CLASP1: variants seen among roughly 807,000 people sequenced by gnomAD.
CLASP1 encodes the protein CLIP-associating protein 1.
In CLASP1, 38 loss-of-function variants were observed where a neutral mutation model predicts 192.3. The observed-to-expected ratio is 0.20, with a 90% CI of 0.15 to 0.26. The LOEUF (loss-of-function observed/expected upper bound fraction) is 0.26, where lower values mean the gene tolerates loss of function less well. Among genes scored for constraint, CLASP1 ranks in the 10% least tolerant of loss-of-function variants. The pLI, the probability that CLASP1 is intolerant of heterozygous loss-of-function variation, is 1.00. For synonymous variants in CLASP1, 691 were observed against 712.8 expected (o/e 0.97, Z 0.49); for missense variants, 1,433 against 1,932.5 (o/e 0.74, Z 4.85).
intron 6 of CLASP1, among the ~76,000 whole-genome samples, chr2:121,519,142 G>A (rs966814865): frequency 1.3e-5 from 2 of 152,172 alleles, no homozygotes; most frequent in African/African-American, 4.8e-5. Flanking sequence ...GGACCTACTT[G>A]GCCATTTAGG....
rs1045182897 is a variant in CLASP1, at chr2:121,531,069, A to T, written c.196-744T>A. On this transcript the variant is annotated intron_variant, in intron 2 of 39. Transcript: ENST00000263710. ...AGCAGTAATTCGTAAATAAACTAGT[A>T]CTTTGTGGTTAAACCAGTAGAGGGT... 1.3e-5 allele frequency: 9 copies of T among 691,328 alleles called. No homozygotes were observed. In the African/African-American group the frequency reaches 1.4e-4, roughly 11 times the overall value. 42.8% of individuals were successfully genotyped at this position (691,328 alleles called of 1,614,324 possible).
At chr2:121,591,253 A>G (rs1488268178) in intron 2 of CLASP1, among the ~76,000 whole-genome samples, 1 of 152,204 alleles carries the variant, frequency 6.6e-6, no homozygotes, top group East Asian at 1.9e-4. Context: ...ATCTTTTTTT[A>G]CAAGGCTATC....
rs36101231 is a variant in CLASP1 at position 121,410,956 on chromosome 2, A to G, written c.2334T>C (p.Leu778=). Residue 778 remains leucine (L), a synonymous_variant, in exon 24 of 40, where the codon CTT becomes CTC. Coordinates refer to ENST00000263710, the Ensembl canonical transcript of CLASP1. ...AACCAGGTATTCTTCCTGGCTGGCC[A>G]AGCCCAAACCGATCTATTTAAAAAA... 3.7e-5 allele frequency: 60 copies of G among 1,606,968 alleles called. No homozygotes were observed. The Admixed American group carries it at 5.0e-4, about 13-fold the overall frequency.
At chr2:121,633,807 C>T (rs979224545) in intron 1 of CLASP1, among the ~76,000 whole-genome samples, 1 of 151,980 alleles carries the variant, frequency 6.6e-6, no homozygotes, top group Admixed American at 6.6e-5. Context: ...GAGATCGAGA[C>T]CATCCTGGCT....
chr2:121,624,647 T>C (rs1445838968), intron 1 of CLASP1, among the ~76,000 whole-genome samples: 1 of 152,150 alleles, frequency 6.6e-6, no homozygotes, highest in African/African-American at 2.4e-5. Flanking sequence ...GAACTCCTGA[T>C]CTCAGGTGAT....
intron 6 of CLASP1, among the ~76,000 whole-genome samples, chr2:121,516,749 C>T (rs183368827): frequency 6.6e-6 from 1 of 152,360 alleles, no homozygotes; most frequent in Admixed American, 6.5e-5. Flanking sequence ...TCATCATAAG[C>T]CGGGCGTGGT....
intron 2 of CLASP1, among the ~76,000 whole-genome samples, chr2:121,544,488 T>C (rs932667752): frequency 2.6e-5 from 4 of 151,776 alleles, no homozygotes; most frequent in African/African-American, 9.7e-5. Flanking sequence ...AATTGAAATC[T>C]GGAAAAACAT....
At chr2:121,539,475 C>T (rs986347639) in intron 2 of CLASP1, among the ~76,000 whole-genome samples, 1 of 152,190 alleles carries the variant, frequency 6.6e-6, no homozygotes, top group Admixed American at 6.5e-5. Flanking sequence ...TCCTATCTCA[C>T]ACCCTGCACA....
chr2:121,380,611 G>A (rs2071414532), intron 33 of CLASP1, among the ~76,000 whole-genome samples: 1 of 152,170 alleles, frequency 6.6e-6, no homozygotes, highest in African/African-American at 2.4e-5. Flanking sequence ...AGAGAAGCCT[G>A]CCTTCTTCGT....
At chr2:121,339,147 ACAC>A (rs1248245676) in exon 40 of CLASP1, 2 of 153,528 alleles carry the variant, frequency 1.3e-5, no homozygotes, top group Non-Finnish European at 2.9e-5. Flanking sequence ...ACACACACAC[ACAC>A]ACACACACAC....
intron 8 of CLASP1, among the ~76,000 whole-genome samples, chr2:121,495,797 C>T (rs2093508458): frequency 6.6e-6 from 1 of 151,528 alleles, no homozygotes; most frequent in Non-Finnish European, 1.5e-5. Flanking sequence ...ATGAATATAC[C>T]CCTAAAATTG....
At chr2:121,638,002 T>C (rs962356055) in intron 1 of CLASP1, among the ~76,000 whole-genome samples, 3 of 151,780 alleles carry the variant, frequency 2.0e-5, no homozygotes, top group African/African-American at 4.8e-5. Context: ...AAAGAGGACA[T>C]TATCAAGAAA....
At chr2:121,367,423 C>G (rs1309724953) in intron 35 of CLASP1, among the ~76,000 whole-genome samples, 165 bp downstream of exon 36, 1 of 152,174 alleles carries the variant, frequency 6.6e-6, no homozygotes, top group African/African-American at 2.4e-5. Flanking sequence ...TGCCCAAGCG[C>G]ACAGTAGGGA....
At chr2:121,421,257 A>T (rs2079451256) in intron 22 of CLASP1, among the ~76,000 whole-genome samples, 1 of 152,180 alleles carries the variant, frequency 6.6e-6, no homozygotes, top group African/African-American at 2.4e-5. Context: ...ATATTTATTT[A>T]TTTAATTTCT....
chr2:121,524,438 T>C (rs530737139), intron 6 of CLASP1, among the ~76,000 whole-genome samples: 51 of 152,246 alleles, frequency 3.3e-4, no homozygotes, highest in African/African-American at 1.1e-3. Context: ...TAAACATTTA[T>C]TTCCCATGCC....
chr2:121,380,762 G>A (rs1356906129), intron 33 of CLASP1, among the ~76,000 whole-genome samples: 1 of 152,228 alleles, frequency 6.6e-6, no homozygotes, highest in Non-Finnish European at 1.5e-5. Context: ...TTTTCTAAAT[G>A]TAAAAGTCTC....
At chr2:121,415,264 T>C (rs970351787) in intron 23 of CLASP1, among the ~76,000 whole-genome samples, 5 of 152,214 alleles carry the variant, frequency 3.3e-5, no homozygotes, top group Non-Finnish European at 7.3e-5. Context: ...AATCTATCTG[T>C]GTCTCAGTAT....
At chr2:121,570,555 C>T (rs2059895247) in intron 2 of CLASP1, among the ~76,000 whole-genome samples, 1 of 152,204 alleles carries the variant, frequency 6.6e-6, no homozygotes, top group South Asian at 2.1e-4. Context: ...TACCATGCAT[C>T]CTCTCTCACA....
chr2:121,620,533 A>G (rs1413072447), intron 1 of CLASP1, among the ~76,000 whole-genome samples: 2 of 152,014 alleles, frequency 1.3e-5, no homozygotes, highest in African/African-American at 4.8e-5. Flanking sequence ...TATTTTTAGT[A>G]GAGACGGGGT....
Sources: gnomAD v4.1 joint callset for allele counts (sites outside exome capture counted in the v4.1 genomes callset) on GRCh38, gnomAD v4.1.1 for gene constraint, MANE v1.5 for transcripts, NCBI Gene and HGNC (gene_info 2026-07-23, HGNC 2026-07-21) for gene names.